The following RALYL variants were observed in gnomAD, a reference collection of about 807,000 sequenced individuals.
The protein encoded by RALYL is RALY RNA binding protein like.
In RALYL, 29 loss-of-function variants were observed where a neutral mutation model predicts 35.1. That is an observed-to-expected ratio of 0.83 (90% CI 0.61 to 1.13). RALYL has a LOEUF of 1.13. Among genes scored for constraint, RALYL ranks in the 50% most tolerant of loss-of-function variants. The pLI, the probability that RALYL is intolerant of heterozygous loss-of-function variation, is 0.00. For synonymous variants in RALYL, 120 were observed against 127.6 expected, an observed-to-expected ratio of 0.94 and a Z score of 0.40; for missense variants, 359 against 360.4, an observed-to-expected ratio of 1.00 and a Z score of 0.03.
At chr8:84,715,004 G>A (rs78099564) in intron 2 of RALYL, among the ~76,000 whole-genome samples, 215 of 151,994 alleles carry the variant, frequency 1.4e-3, no homozygotes, top group African/African-American at 5.1e-3. Flanking sequence ...CATCAACATA[G>A]ATTAACTAGA....
intron 1 of RALYL, among the ~76,000 whole-genome samples, chr8:84,445,515 T>G (rs1286262067): frequency 6.6e-6 from 1 of 151,954 alleles, no homozygotes; most frequent in Non-Finnish European, 1.5e-5. Context: ...ACGTGTTTTA[T>G]TTCCTTCCTG....
At chr8:84,777,014 T>C (rs538707291) in intron 3 of RALYL, among the ~76,000 whole-genome samples, 1 of 152,206 alleles carries the variant, frequency 6.6e-6, no homozygotes, top group Non-Finnish European at 1.5e-5. Context: ...ATACACATTT[T>C]CTCATTCTCA....
chr8:84,277,441 A>G (rs1835631123), intron 1 of RALYL, among the ~76,000 whole-genome samples: 1 of 152,156 alleles, frequency 6.6e-6, no homozygotes, highest in Non-Finnish European at 1.5e-5. Flanking sequence ...GCCAAACCAT[A>G]TCATTCTGCC....
chr8:84,468,014 T>C (rs1164310893), intron 1 of RALYL, among the ~76,000 whole-genome samples: 8 of 144,540 alleles, frequency 5.5e-5, no homozygotes, highest in African/African-American at 1.6e-4. Context: ...TCCTCCATCC[T>C]TTTATTTTGA....
intron 1 of RALYL, among the ~76,000 whole-genome samples, chr8:84,318,654 T>C (rs987596535): frequency 1.3e-5 from 2 of 152,196 alleles, no homozygotes; most frequent in African/African-American, 2.4e-5. Flanking sequence ...TATTTATACA[T>C]TAAAACCTTA....
intron 4 of RALYL, among the ~76,000 whole-genome samples, chr8:84,825,041 A>T (rs1483929555): frequency 1.3e-5 from 2 of 152,192 alleles, no homozygotes; most frequent in African/African-American, 4.8e-5. Flanking sequence ...TGCAAGAGAA[A>T]CTATCAAGGA....
chr8:84,300,080 A>G (rs1027990648), intron 1 of RALYL, among the ~76,000 whole-genome samples: 2 of 152,112 alleles, frequency 1.3e-5, no homozygotes, highest in African/African-American at 4.8e-5. Context: ...ATTTAGTGCT[A>G]TAAACTTTCC....
chr8:84,601,227 T>C (rs899954009), intron 2 of RALYL, among the ~76,000 whole-genome samples: 1 of 152,094 alleles, frequency 6.6e-6, no homozygotes, highest in African/African-American at 2.4e-5. Flanking sequence ...TTATAACAAG[T>C]TATGTCCATT....
At chr8:84,898,414 G>C (rs895804060) in intron 8 of RALYL, among the ~76,000 whole-genome samples, 28 of 152,080 alleles carry the variant, frequency 1.8e-4, no homozygotes, top group African/African-American at 6.5e-4. Flanking sequence ...AATTAAATCA[G>C]AGTTTCAGAA....
intron 2 of RALYL, among the ~76,000 whole-genome samples, chr8:84,744,432 C>A (rs1297431172): frequency 2.0e-5 from 3 of 151,908 alleles, no homozygotes; most frequent in Middle Eastern, 3.2e-3. Context: ...GCCTTTTTCT[C>A]TTTAGGTCCC....
At chr8:84,788,448 G>T (rs565627084) in intron 3 of RALYL, among the ~76,000 whole-genome samples, 12 of 152,156 alleles carry the variant, frequency 7.9e-5, no homozygotes, top group African/African-American at 2.9e-4. Context: ...ACCAAAAAAT[G>T]ATGTATTTTA....
At chr8:84,833,450 C>T (rs2134422739) in intron 4 of RALYL, among the ~76,000 whole-genome samples, 1 of 151,996 alleles carries the variant, frequency 6.6e-6, no homozygotes. Context: ...CCAGCCTGGC[C>T]AACATGAAGA....
chr8:84,686,469 A>G (rs898344343), intron 2 of RALYL, among the ~76,000 whole-genome samples: 1 of 152,070 alleles, frequency 6.6e-6, no homozygotes, highest in Non-Finnish European at 1.5e-5. Flanking sequence ...CAGTGGTGCA[A>G]TCTCAGTTCA....
chr8:84,469,937 A>T (rs1302781027), intron 1 of RALYL, among the ~76,000 whole-genome samples: 6 of 152,232 alleles, frequency 3.9e-5, no homozygotes, highest in South Asian at 4.1e-4. Context: ...TTTGACTCAG[A>T]CAGGGAACTC....
chr8:84,877,876 T>C (rs1841470105), intron 7 of RALYL, among the ~76,000 whole-genome samples: 1 of 152,200 alleles, frequency 6.6e-6, no homozygotes, highest in African/African-American at 2.4e-5. Flanking sequence ...ACTGCTCTCA[T>C]TGACACTTCA....
chr8:84,291,575 A>G (rs555459119), intron 1 of RALYL, among the ~76,000 whole-genome samples: 2 of 152,154 alleles, frequency 1.3e-5, no homozygotes, highest in Admixed American at 1.3e-4. Context: ...CCAACATATT[A>G]ATGACTGGTG....
intron 1 of RALYL, among the ~76,000 whole-genome samples, chr8:84,428,054 C>T (rs1033356027): frequency 1.4e-4 from 21 of 148,326 alleles, no homozygotes; most frequent in African/African-American, 2.5e-4. Context: ...CTTATTGATC[C>T]GGCTCGCTTG....
chr8:84,330,973 G>C lies in RALYL; in HGVS notation c.-24+146549G>C, dbSNP rs1300604991. The stretch of plus-strand genomic sequence containing the variant: ...AAAGTAATGGAGAGCATTGTATGCT[G>C]TGAGAAATGGATAGCATTTGGTCTT... On this transcript the variant is annotated intron_variant, in intron 1 of 8. Transcript: ENST00000521268. Among the ~76,000 whole-genome samples, 4 of 152,202 alleles carry C rather than the reference G, an allele frequency of 2.6e-5. No individual in the cohort carries two copies. The East Asian group carries it at 7.7e-4, about 29-fold the overall frequency.
intron 1 of RALYL, among the ~76,000 whole-genome samples, chr8:84,447,325 G>C (rs1466796332): frequency 1.3e-5 from 2 of 151,958 alleles, no homozygotes; most frequent in East Asian, 3.9e-4. Flanking sequence ...TTCGTGTCTG[G>C]ATCCCTTCTT....
Sources: allele counts gnomAD v4.1 joint callset (sites outside exome capture counted in the v4.1 genomes callset), GRCh38; gene constraint gnomAD v4.1.1; transcripts MANE v1.5; gene names NCBI Gene and HGNC (gene_info 2026-07-23, HGNC 2026-07-21).